The following PROSER1 variants were observed in gnomAD, a reference collection of about 807,000 sequenced individuals.
PROSER1 encodes the protein proline and serine rich 1, also known as proline and serine-rich protein 1.
A neutral mutation model predicts 71.8 loss-of-function variants in PROSER1; 36 were observed. The ratio of observed to expected loss-of-function variants is 0.50; its 90% confidence interval spans 0.38 to 0.66. The LOEUF (loss-of-function observed/expected upper bound fraction) is 0.66. Among genes scored for constraint, PROSER1 ranks in the 30% least tolerant of loss-of-function variants. The pLI, the probability that PROSER1 is intolerant of heterozygous loss-of-function variation, is 0.00. For missense variants in PROSER1, 1,107 were observed against 1,135.0 expected, an observed-to-expected ratio of 0.98 and a Z score of 0.35; for synonymous variants, 490 against 452.4, an observed-to-expected ratio of 1.08 and a Z score of -1.06.
chr13:39,026,010 G>A (rs1284110499), intron 6 of PROSER1, among the ~76,000 whole-genome samples: 1 of 152,096 alleles, frequency 6.6e-6, no homozygotes, highest in African/African-American at 2.4e-5. Context: ...GAGAATTTGA[G>A]AACTGTTCCT....
At position 39,011,273 on chromosome 13, in the gene PROSER1, A is replaced by ACTGCATC; in HGVS notation, c.*91_*92insGATGCAG. ...GGATTACCCTCATTCTCATTTTCCG[A>ACTGCATC]CTTTTGGCCAGCTTCACATTTGTCA... On this transcript the variant is annotated 3_prime_UTR_variant, in exon 13 of 13. Coordinates refer to ENST00000352251, the MANE Select transcript of PROSER1 (RefSeq NM_025138.5). The ACTGCATC allele has an allele frequency of 7.4e-7, 1 of 1,346,388 alleles. No homozygotes were observed. Among genetic ancestry groups the ACTGCATC allele is most frequent in the Admixed American group, 2.0e-5 (1 of 48,990 alleles). 83.4% of individuals were successfully genotyped at this position (1,346,388 alleles called of 1,614,324 possible).
chr13:39,016,520 G>A (rs1037390348), intron 10 of PROSER1, among the ~76,000 whole-genome samples: 10 of 152,188 alleles, frequency 6.6e-5, no homozygotes, highest in African/African-American at 1.7e-4. Context: ...TGCTAACATC[G>A]TACAACATAG....
chr13:39,031,616 T>C lies in PROSER1; in HGVS notation c.127A>G (p.Arg43Gly). ...FSSEQVVDLLRYFSWAEPQLK... is the reference protein window; with the variant it reads ...FSSEQVVDLLGYFSWAEPQLK... ...TGGGGCTCGGCCCAGGAAAAATATC[T>C]CAGCAAATCAACCACCTGAAAACAA... Residue 43 changes from arginine (R) to glycine (G), a missense_variant, in exon 3 of 13, where the codon AGA (arginine) becomes GGA (glycine). Arg to Gly is a moderately radical substitution (Grantham distance 125, BLOSUM62 -2). Coordinates refer to ENST00000352251, the MANE Select transcript of PROSER1 (RefSeq NM_025138.5). The C allele has an allele frequency of 6.2e-7, 1 of 1,613,272 alleles. No homozygotes were observed. Among genetic ancestry groups the C allele is most frequent in the Non-Finnish European group, 8.5e-7 (1 of 1,179,688 alleles).
chr13:39,029,271 A>G lies in PROSER1; in HGVS notation c.275+10T>C. Reference sequence around the variant, plus strand: ...GTAAAAAAAAAAAAAAAAAAAAAAGAAATACTTACGAGGCTAACAGTTCAA... The same window carrying G: ...GTAAAAAAAAAAAAAAAAAAAAAAGGAATACTTACGAGGCTAACAGTTCAA... On this transcript the variant is annotated intron_variant, in intron 4 of 12. Transcript: ENST00000352251. 7.2e-7 allele frequency: 1 copy of G among 1,397,750 alleles called. No individual in the cohort carries two copies. Among genetic ancestry groups the G allele is most frequent in the Non-Finnish European group, 9.7e-7 (1 of 1,033,744 alleles). 86.6% of individuals were successfully genotyped at this position (1,397,750 alleles called of 1,614,324 possible). A position where few individuals can be genotyped will look rare whatever the true frequency, so the allele number is the denominator to read the frequency against.
intron 2 of PROSER1, 150 bp from the exon 3 acceptor site, chr13:39,031,781 G>T (rs1475043542): frequency 6.4e-6 from 4 of 628,230 alleles, no homozygotes; most frequent in African/African-American, 1.9e-5. Context: ...TAACAGAATA[G>T]CTATTATATA....
intron 2 of PROSER1, among the ~76,000 whole-genome samples, chr13:39,033,642 C>T (rs1053128902): frequency 6.6e-6 from 1 of 152,136 alleles, no homozygotes; most frequent in African/African-American, 2.4e-5. Flanking sequence ...AACTATCATG[C>T]TTAAAATGTT....
At chr13:39,029,198 T>A in intron 4 of PROSER1, 83 bp downstream of exon 4, 9 of 733,336 alleles carry the variant, frequency 1.2e-5, no homozygotes, top group Non-Finnish European at 2.2e-6. Flanking sequence ...TTAGACACAT[T>A]AACACACACT....
At chr13:39,012,281 A>G (rs757006392) in intron 11 of PROSER1, 48 bp from the exon 12 acceptor site, 6 of 1,561,122 alleles carry the variant, frequency 3.8e-6, no homozygotes, top group Non-Finnish European at 5.3e-6. Context: ...AAGACATAAA[A>G]GCTACTGTTT....
intron 5 of PROSER1, among the ~76,000 whole-genome samples, chr13:39,027,465 CG>C (rs753008048): frequency 2.0e-5 from 3 of 152,048 alleles, no homozygotes; most frequent in East Asian, 3.9e-4. Flanking sequence ...GAAAGTGACA[CG>C]ATCGGAACAC....
intron 2 of PROSER1, among the ~76,000 whole-genome samples, chr13:39,032,980 G>C (rs1870928045): frequency 6.6e-6 from 1 of 151,782 alleles, no homozygotes; most frequent in Non-Finnish European, 1.5e-5. Flanking sequence ...GAGCGCAATG[G>C]CGCGATCTTG....
chr13:39,022,315 T>A lies in PROSER1; in HGVS notation c.730+11A>T, dbSNP rs753969277. The A allele has an allele frequency of 6.3e-7, 1 of 1,579,816 alleles. No homozygotes were observed. The highest frequency in any genetic ancestry group is 1.1e-5 in the South Asian group (1 of 90,284). Reference sequence around the variant, plus strand: ...AATAAGTTACTTAAACACCCCCAAATAACATTTTACCTGTTCCTACAGGAT... The same window carrying A: ...AATAAGTTACTTAAACACCCCCAAAAAACATTTTACCTGTTCCTACAGGAT... On this transcript the variant is annotated intron_variant, in intron 9 of 12. Transcript: ENST00000352251.
chr13:39,026,180 C>G, intron 6 of PROSER1, 97 bp downstream of exon 6: 18 of 721,574 alleles, frequency 2.5e-5, no homozygotes, highest in Non-Finnish European at 4.2e-5. Flanking sequence ...ATTAAGTTAC[C>G]GACATAAAAT....
At chr13:39,020,946 C>T (rs1422006329) in intron 9 of PROSER1, among the ~76,000 whole-genome samples, 2 of 152,178 alleles carry the variant, frequency 1.3e-5, no homozygotes, top group South Asian at 2.1e-4. Flanking sequence ...TGGTGGCATT[C>T]ATTAAGTCAA....
Position 39,012,794 on chromosome 13 carries a change from G to A in PROSER1, c.2458C>T (p.Pro820Ser). 6.2e-7 allele frequency: 1 copy of A among 1,614,196 alleles called. No individual in the cohort carries two copies. Among genetic ancestry groups the A allele is most frequent in the Non-Finnish European group, 8.5e-7 (1 of 1,180,024 alleles). Residue 820 changes from proline to serine, a missense_variant, in exon 11 of 13, where the codon CCA becomes TCA. Transcript: ENST00000352251. ...GGGGCTGTGGCAGCCACAGGTAGTGGTGTGACAGCTGCGACTGTAGAGGGC... is the reference window on the plus strand; with the variant it reads ...GGGGCTGTGGCAGCCACAGGTAGTGATGTGACAGCTGCGACTGTAGAGGGC... Reference protein sequence around the residue: ...QAPSTVAAVTPLPVAATAPSP... With the variant: ...QAPSTVAAVTSLPVAATAPSP...
chr13:39,024,431 T>C (rs1870444167), intron 7 of PROSER1, 42 bp downstream of exon 7: 9 of 1,377,248 alleles, frequency 6.5e-6, no homozygotes, highest in Admixed American at 2.0e-5. Context: ...AAACTTTATG[T>C]AGGAAGGAGT....
At chr13:39,036,523 G>A (rs1186338316) in intron 1 of PROSER1, among the ~76,000 whole-genome samples, 1 of 152,100 alleles carries the variant, frequency 6.6e-6, no homozygotes, top group African/African-American at 2.4e-5. Flanking sequence ...TAACTTCTCG[G>A]TATTTTTGTG....
chr13:39,032,960 A>G (rs1870926083), intron 2 of PROSER1, among the ~76,000 whole-genome samples: 1 of 146,792 alleles, frequency 6.8e-6, no homozygotes, highest in South Asian at 2.1e-4. Flanking sequence ...TTGCTCTGTT[A>G]GCCAGGCTGG....
At chr13:39,019,516 CAAA>C (rs1183602451) in intron 9 of PROSER1, among the ~76,000 whole-genome samples, 2,438 of 40,682 alleles carry the variant, frequency 0.06, 47 homozygotes, top group African/African-American at 0.18. Flanking sequence ...AACTCTGTCT[CAAA>C]AAAAAAAAAA....
chr13:39,029,247 T>TGAAGAAAAA (rs1870705076), intron 4 of PROSER1, 34 bp downstream of exon 4: 1 of 630,130 alleles, frequency 1.6e-6, no homozygotes, highest in African/African-American at 3.1e-5. Flanking sequence ...TTTTCCCAAG[T>TGAAGAAAAA]AAAAAAAAAA....
Sources: allele counts gnomAD v4.1 joint callset (sites outside exome capture counted in the v4.1 genomes callset), GRCh38; gene constraint gnomAD v4.1.1; transcripts MANE v1.5; gene names NCBI Gene and HGNC (gene_info 2026-07-23, HGNC 2026-07-21).